ZBTB20: variants seen among roughly 807,000 people sequenced by gnomAD.
The protein encoded by ZBTB20 is zinc finger and BTB domain-containing protein 20.
ZBTB20 carries 9 observed loss-of-function variants against 56.9 expected under a neutral mutation model. The observed-to-expected ratio is 0.16, with a 90% CI of 0.10 to 0.28. The LOEUF is 0.28. Among genes scored for constraint, ZBTB20 ranks in the 10% least tolerant of loss-of-function variants. ZBTB20 has a pLI of 1.00. For synonymous variants in ZBTB20, 417 were observed against 420.7 expected, an observed-to-expected ratio of 0.99 and a Z score of 0.11; for missense variants, 655 against 1,003.0, an observed-to-expected ratio of 0.65 and a Z score of 4.69.
chr3:114,675,032 T>A (rs1349955082), intron 6 of ZBTB20, among the ~76,000 whole-genome samples: 3 of 148,910 alleles, frequency 2.0e-5, no homozygotes, highest in African/African-American at 7.3e-5. Context: ...ATTACAAACA[T>A]TTAAAAAATC....
chr3:114,780,634 T>C (rs2070014694), intron 5 of ZBTB20, among the ~76,000 whole-genome samples: 1 of 152,120 alleles, frequency 6.6e-6, no homozygotes, highest in Admixed American at 6.5e-5. Flanking sequence ...ACAACAGACA[T>C]GCACCACCAT....
At chr3:115,114,037 A>G (rs537832685) in intron 1 of ZBTB20, among the ~76,000 whole-genome samples, 1 of 152,202 alleles carries the variant, frequency 6.6e-6, no homozygotes, top group African/African-American at 2.4e-5. Context: ...TACATTACAG[A>G]ACATGCAGCA....
chr3:114,637,631 T>A (rs2059346194), intron 6 of ZBTB20, among the ~76,000 whole-genome samples: 1 of 152,120 alleles, frequency 6.6e-6, no homozygotes, highest in Non-Finnish European at 1.5e-5. Context: ...TGTCTAGACT[T>A]CTGGATTAGA....
rs1374560873 is a variant in ZBTB20 at position 114,326,576 on chromosome 3, G to A, written c.*12429C>T. On this transcript the variant is annotated 3_prime_UTR_variant, in exon 12 of 12. Coordinates refer to ENST00000675478, the MANE Select transcript of ZBTB20 (RefSeq NM_001348800.3). The stretch of plus-strand genomic sequence containing the variant: ...GCAGTTATTTGACTGTCCATGGACA[G>A]TAACAAATTAAGAAATAAAAATCCT... 4 of 152,046 alleles carry A rather than the reference G, an allele frequency of 2.6e-5. No individual in the cohort carries two copies. The highest frequency in any genetic ancestry group is 9.7e-5 in the African/African-American group (4 of 41,398). The allele number at this position is 152,046 out of a possible 1,614,324, so 9.4% of individuals were successfully genotyped here.
chr3:114,999,999 T>C (rs2079183121), intron 2 of ZBTB20, among the ~76,000 whole-genome samples: 2 of 151,708 alleles, frequency 1.3e-5, no homozygotes, highest in African/African-American at 4.8e-5. Flanking sequence ...GGCATAACTC[T>C]GAATTCATTT....
chr3:114,492,355 A>G (rs1014781039), intron 7 of ZBTB20, among the ~76,000 whole-genome samples: 15 of 152,126 alleles, frequency 9.9e-5, no homozygotes, highest in African/African-American at 3.4e-4. Flanking sequence ...CAACATCTCA[A>G]AAACAGAACT....
At chr3:115,049,443 T>G (rs182899045) in intron 2 of ZBTB20, among the ~76,000 whole-genome samples, 1 of 152,150 alleles carries the variant, frequency 6.6e-6, no homozygotes, top group Non-Finnish European at 1.5e-5. Flanking sequence ...TTTAGAATAT[T>G]TGCATACACA....
intron 7 of ZBTB20, among the ~76,000 whole-genome samples, chr3:114,438,104 G>A (rs1403115877): frequency 6.6e-6 from 1 of 152,088 alleles, no homozygotes; most frequent in Non-Finnish European, 1.5e-5. Context: ...AGAATAAAAG[G>A]ATTGATCTGA....
At chr3:115,067,294 C>T (rs1440734337) in intron 2 of ZBTB20, among the ~76,000 whole-genome samples, 1 of 151,850 alleles carries the variant, frequency 6.6e-6, no homozygotes, top group Admixed American at 6.6e-5. Context: ...CACCCACAAA[C>T]CCGGGAAGCA....
Position 115,132,074 on chromosome 3 carries a change from G to GA in ZBTB20, c.-703+15144dup, listed in dbSNP as rs201018277. 3.6e-3 allele frequency among the ~76,000 whole-genome samples: 546 copies of GA among 150,132 alleles called. 2 individuals are homozygous for GA. Among genetic ancestry groups the GA allele is most frequent in the African/African-American group, 0.011 (465 of 40,978 alleles). On this transcript the variant is annotated intron_variant, in intron 1 of 11. Coordinates refer to ENST00000675478, the MANE Select transcript of ZBTB20 (RefSeq NM_001348800.3). ...AAATAACACTGTTGACTTCAAAAAA[G>GA]AAAAAAAAATCTCCCAAGATTCTAA...
At chr3:114,571,241 G>A (rs890669365) in intron 6 of ZBTB20, among the ~76,000 whole-genome samples, 9 of 152,066 alleles carry the variant, frequency 5.9e-5, no homozygotes, top group Admixed American at 6.6e-5. Flanking sequence ...CGAAGCATGC[G>A]TTTAACACTT....
At chr3:114,522,780 C>T (rs771671374) in intron 6 of ZBTB20, among the ~76,000 whole-genome samples, 11 of 152,052 alleles carry the variant, frequency 7.2e-5, no homozygotes, top group Non-Finnish European at 1.3e-4. Flanking sequence ...ATTTGAGTAA[C>T]CCTAAAGGTG....
chr3:114,501,882 T>A lies in ZBTB20; in HGVS notation c.-294-1491A>T, dbSNP rs373813411. The stretch of plus-strand genomic sequence containing the variant: ...CACCACCACACCCAGCTAATTTTTG[T>A]AGTTTTAGTAGAAATGGGGTTTGCC... On this transcript the variant is annotated intron_variant, in intron 6 of 11. Transcript: ENST00000675478. Among the ~76,000 whole-genome samples the A allele has an allele frequency of 4.0e-4, 61 of 151,738 alleles. No individual in the cohort carries two copies. In the South Asian group the frequency reaches 0.012, roughly 31 times the overall value.
chr3:114,885,500 A>T (rs2107606519), intron 4 of ZBTB20, among the ~76,000 whole-genome samples: 1 of 152,142 alleles, frequency 6.6e-6, no homozygotes. Flanking sequence ...CTGAATTGTA[A>T]TTATTTACTC....
chr3:114,732,487 A>G (rs1560182788), intron 5 of ZBTB20, among the ~76,000 whole-genome samples: 1 of 152,112 alleles, frequency 6.6e-6, no homozygotes, highest in African/African-American at 2.4e-5. Flanking sequence ...AAAATGTACT[A>G]TGATTAGGTG....
At chr3:114,569,207 T>C (rs1486366348) in intron 6 of ZBTB20, among the ~76,000 whole-genome samples, 2 of 152,230 alleles carry the variant, frequency 1.3e-5, no homozygotes, top group African/African-American at 4.8e-5. Flanking sequence ...TTAGGCTCTA[T>C]GGAAAATGCC....
intron 2 of ZBTB20, among the ~76,000 whole-genome samples, chr3:114,977,355 A>G (rs146288143): frequency 0.015 from 2,331 of 152,306 alleles, 33 homozygotes; most frequent in South Asian, 0.05. Context: ...AAACCAGGGG[A>G]CTGACAAACT....
chr3:114,737,360 G>T (rs907996283), intron 5 of ZBTB20, among the ~76,000 whole-genome samples: 4 of 151,954 alleles, frequency 2.6e-5, no homozygotes, highest in Non-Finnish European at 5.9e-5. Flanking sequence ...ATTAAATTCA[G>T]TTAAAAACTA....
At chr3:114,847,081 C>A (rs752080433) in intron 4 of ZBTB20, among the ~76,000 whole-genome samples, 1 of 152,182 alleles carries the variant, frequency 6.6e-6, no homozygotes, top group Non-Finnish European at 1.5e-5. Context: ...TCATTTCACT[C>A]AAGCAAATGG....
Sources: allele counts gnomAD v4.1 joint callset (sites outside exome capture counted in the v4.1 genomes callset), GRCh38; gene constraint gnomAD v4.1.1; transcripts MANE v1.5; gene names NCBI Gene and HGNC (gene_info 2026-07-23, HGNC 2026-07-21).